ANKRD36: variants seen among roughly 807,000 people sequenced by gnomAD.
ANKRD36 encodes ankyrin repeat domain 36, also known as ankyrin repeat domain-containing protein 36A.
ANKRD36 carries 179 observed loss-of-function variants against 278.1 expected under a neutral mutation model. The observed-to-expected ratio is 0.64, with a 90% CI of 0.57 to 0.73. ANKRD36 has a LOEUF of 0.73. Among genes scored for constraint, ANKRD36 ranks in the 30% least tolerant of loss-of-function variants. The pLI is 0.00. For synonymous variants in ANKRD36, 320 were observed against 641.1 expected (o/e 0.50, Z 7.57); for missense variants, 1,159 against 1,956.7 (o/e 0.59, Z 7.69).
At chr2:97,202,687 T>A (rs181453449) in intron 48 of ANKRD36, among the ~76,000 whole-genome samples, 3 of 151,812 alleles carry the variant, frequency 2.0e-5, no homozygotes, top group African/African-American at 7.3e-5. Flanking sequence ...TCCTCCAGCT[T>A]GTTTTCAGTA....
chr2:97,199,719 C>G (rs72947017), intron 44 of ANKRD36, among the ~76,000 whole-genome samples: 3,960 of 151,620 alleles, frequency 0.026, 76 homozygotes, highest in African/African-American at 0.091. Flanking sequence ...CTAGTGGATA[C>G]AAGAAACTCA....
chr2:97,184,109 G>C lies in ANKRD36; in HGVS notation c.1939+455G>C, dbSNP rs1188404018. 2.6e-5 allele frequency among the ~76,000 whole-genome samples: 4 copies of C among 151,704 alleles called. No homozygotes were observed. In the East Asian group the frequency reaches 7.8e-4, roughly 30 times the overall value. On this transcript the variant is annotated intron_variant, in intron 28 of 75. Coordinates refer to ENST00000420699, the MANE Select transcript of ANKRD36 (RefSeq NM_001354587.1). Reference sequence around the variant, plus strand: ...CTGATGTAGTAATTATTTTCATCAAGAAAGAGGGATTGCAAGGCAAGAAAG... The same window carrying C: ...CTGATGTAGTAATTATTTTCATCAACAAAGAGGGATTGCAAGGCAAGAAAG...
chr2:97,190,437 C>G (rs2058266492), intron 34 of ANKRD36, among the ~76,000 whole-genome samples: 1 of 149,788 alleles, frequency 6.7e-6, no homozygotes, highest in Non-Finnish European at 1.5e-5. Context: ...TATCAGCAAA[C>G]AGATATCCAA....
intron 5 of ANKRD36, among the ~76,000 whole-genome samples, chr2:97,125,145 G>T (rs2038214683): frequency 6.6e-6 from 1 of 151,290 alleles, no homozygotes; most frequent in Non-Finnish European, 1.5e-5. Context: ...TTCTGTTGCT[G>T]CTTTCTTACC....
chr2:97,192,781 T>C, intron 36 of ANKRD36, 77 bp from the exon 37 acceptor site: 5 of 1,520,336 alleles, frequency 3.3e-6, no homozygotes, highest in Middle Eastern at 2.4e-4. Flanking sequence ...CAGAGGTTGA[T>C]ACAAACACTT....
intron 75 of ANKRD36, among the ~76,000 whole-genome samples, chr2:97,260,402 A>G (rs1242802094): frequency 7.4e-6 from 1 of 134,664 alleles, no homozygotes. Flanking sequence ...ACATACACAC[A>G]CATACACATA....
Position 97,154,669 on chromosome 2 carries a change from C to A in ANKRD36, c.1194-6C>A. ...CTCATTTTTGTAATATCTTTTTGCT[C>A]TGTAGGTGTCTCTACCTACTGGACC... is the stretch of plus-strand genomic sequence containing the variant. On this transcript the variant is annotated splice_region_variant and splice_polypyrimidine_tract_variant and intron_variant, in intron 14 of 75. Transcript: ENST00000420699. The A allele has an allele frequency of 2.0e-6, 3 of 1,483,370 alleles. 1 individual carries two copies. Among genetic ancestry groups the A allele is most frequent in the South Asian group, 1.2e-5 (1 of 83,248 alleles). 91.9% of individuals were successfully genotyped at this position (1,483,370 alleles called of 1,614,324 possible).
chr2:97,118,557 GCATTT>G (rs1401028635), intron 3 of ANKRD36, 40 bp downstream of exon 3: 1 of 1,458,632 alleles, frequency 6.9e-7, no homozygotes, highest in Non-Finnish European at 9.1e-7. Context: ...TATCTGAAAT[GCATTT>G]ATTTTAACAT....
At chr2:97,172,571 C>G (rs1192713772) in intron 22 of ANKRD36, among the ~76,000 whole-genome samples, 1 of 151,964 alleles carries the variant, frequency 6.6e-6, no homozygotes, top group Non-Finnish European at 1.5e-5. Context: ...TAAAGCATGT[C>G]TTTTTGACAT....
Position 97,179,223 on chromosome 2 carries a change from G to C in ANKRD36, c.1634-515G>C, listed in dbSNP as rs534075931. Among the ~76,000 whole-genome samples the C allele has an allele frequency of 4.2e-3, 641 of 151,546 alleles. 3 individuals carry two copies. Among genetic ancestry groups the C allele is most frequent in the African/African-American group, 0.014 (594 of 41,442 alleles). On this transcript the variant is annotated intron_variant, in intron 22 of 75. Coordinates refer to ENST00000420699, the MANE Select transcript of ANKRD36 (RefSeq NM_001354587.1). The stretch of plus-strand genomic sequence containing the variant: ...ACATATATCCAAGCTGATTAAGTTA[G>C]GACACTTCCACTGAAGAGATTTCAA...
chr2:97,130,520 A>C (rs1210567133), intron 6 of ANKRD36, among the ~76,000 whole-genome samples: 1 of 151,732 alleles, frequency 6.6e-6, no homozygotes, highest in Non-Finnish European at 1.5e-5. Context: ...TGGGTGCAGC[A>C]CACCAACATG....
intron 6 of ANKRD36, among the ~76,000 whole-genome samples, chr2:97,134,920 TAAA>T (rs980370843): frequency 6.6e-6 from 1 of 152,032 alleles, no homozygotes; most frequent in African/African-American, 2.4e-5. Flanking sequence ...TTGAAGGAGC[TAAA>T]AAAGAAAGCT....
At chr2:97,197,895 A>G (rs1421917804) in intron 42 of ANKRD36, among the ~76,000 whole-genome samples, 1 of 151,902 alleles carries the variant, frequency 6.6e-6, no homozygotes, top group Non-Finnish European at 1.5e-5. Context: ...GTGAGAGATA[A>G]TGAGTATTAT....
At chr2:97,141,412 C>T (rs28666770) in intron 6 of ANKRD36, among the ~76,000 whole-genome samples, 9 of 136,344 alleles carry the variant, frequency 6.6e-5, no homozygotes, top group Non-Finnish European at 9.4e-5. Flanking sequence ...CTGCTGAATC[C>T]GGGAAATGTA....
intron 6 of ANKRD36, among the ~76,000 whole-genome samples, chr2:97,140,489 A>G (rs1229221485): frequency 1.3e-5 from 2 of 151,956 alleles, no homozygotes; most frequent in Non-Finnish European, 2.9e-5. Flanking sequence ...AAAATAGGTA[A>G]GATAGGCTGC....
At position 97,124,460 on chromosome 2, in the gene ANKRD36, A is replaced by G. The variant is rs909780460; in HGVS notation, c.594A>G (p.Arg198=). Residue 198 remains arginine, a splice_region_variant and synonymous_variant, in exon 5 of 76, where the codon AGA becomes AGG. Transcript: ENST00000420699. Reference sequence around the variant, plus strand: ...TTTAATTACCTCTCTGTTATTTTAGATCAGCCCTCATACATGCTGTTACTC... The same window carrying G: ...TTTAATTACCTCTCTGTTATTTTAGGTCAGCCCTCATACATGCTGTTACTC... The part of the protein sequence containing the change: ...ANVNAIDYLG[R]SALIHAVTLG... 7.1e-6 allele frequency: 11 copies of G among 1,545,862 alleles called. No individual in the cohort carries two copies. In the African/African-American group the frequency reaches 1.1e-4, roughly 15 times the overall value.
rs571456450 is a variant in ANKRD36 at position 97,156,369 on chromosome 2, C to A, written c.1260+1628C>A. ...ATATCTCCCAATGCTCTCCCTCCCC[C>A]CTACCCCCACCCCACAACAGTCCCC... On this transcript the variant is annotated intron_variant, in intron 15 of 75. Transcript: ENST00000420699. Among the ~76,000 whole-genome samples, 15 of 144,440 alleles carry A rather than the reference C, an allele frequency of 1.0e-4. 2 individuals carry two copies. Among genetic ancestry groups the A allele is most frequent in the African/African-American group, 1.5e-4 (6 of 40,976 alleles). The allele number at this position is 144,440 out of a possible 152,430, so 94.8% of individuals were successfully genotyped here.
chr2:97,138,579 A>C (rs2042107510), intron 6 of ANKRD36, among the ~76,000 whole-genome samples: 1 of 152,180 alleles, frequency 6.6e-6, no homozygotes, highest in African/African-American at 2.4e-5. Flanking sequence ...AATTAGAAAA[A>C]ACTACTTTAA....
intron 6 of ANKRD36, among the ~76,000 whole-genome samples, chr2:97,127,409 ATTATG>A (rs2038904393): frequency 6.6e-6 from 1 of 151,948 alleles, no homozygotes; most frequent in African/African-American, 2.4e-5. Flanking sequence ...TTTTTAAGTT[ATTATG>A]TTGTATGTTT....
Sources: gnomAD v4.1 joint callset for allele counts (sites outside exome capture counted in the v4.1 genomes callset) on GRCh38, gnomAD v4.1.1 for gene constraint, MANE v1.5 for transcripts, NCBI Gene and HGNC (gene_info 2026-07-23, HGNC 2026-07-21) for gene names.